The following MSN variants were observed in gnomAD, a reference collection of about 807,000 sequenced individuals.
The protein encoded by MSN is epididymis luminal protein 70.
Under a neutral mutation model 48.0 loss-of-function variants are expected in MSN, and 2 were observed. The ratio of observed to expected loss-of-function variants is 0.04; its 90% CI spans 0.02 to 0.13. MSN has a LOEUF of 0.13. Among genes scored for constraint, MSN ranks in the 10% least tolerant of loss-of-function variants. The probability of loss-of-function intolerance (pLI) is 1.00; values close to 1 mark genes in which losing one functional copy is unlikely to be tolerated. For synonymous variants in MSN, 146 were observed against 166.9 expected, an observed-to-expected ratio of 0.87 and a Z score of 0.97; for missense variants, 267 against 470.1, an observed-to-expected ratio of 0.57 and a Z score of 3.99.
intron 1 of MSN, among the ~76,000 whole-genome samples, chrX:65,640,597 A>C (rs2070641929): frequency 9.0e-6 from 1 of 111,277 alleles, no homozygotes; most frequent in Non-Finnish European, 1.9e-5. Flanking sequence ...CTGTGGGATA[A>C]CACTAGCTTC....
intron 8 of MSN, among the ~76,000 whole-genome samples, chrX:65,736,317 CTATGA>C (rs1203077623): frequency 1.8e-5 from 2 of 110,585 alleles, no homozygotes; most frequent in Admixed American, 1.9e-4. Context: ...CTATGTGGGG[CTATGA>C]TATGAGGACA....
At chrX:65,648,011 G>A (rs1035608741) in intron 1 of MSN, among the ~76,000 whole-genome samples, 2 of 110,612 alleles carry the variant, frequency 1.8e-5, no homozygotes, top group Non-Finnish European at 3.8e-5. Flanking sequence ...TGATGTAGTT[G>A]TCCATTCGAC....
At chrX:65,598,779 C>G (rs969290758) in intron 1 of MSN, among the ~76,000 whole-genome samples, 2 of 112,011 alleles carry the variant, frequency 1.8e-5, no homozygotes, top group Non-Finnish European at 3.8e-5. Context: ...AGCACATTGT[C>G]TGCTGCAGAA....
intron 1 of MSN, among the ~76,000 whole-genome samples, chrX:65,609,284 G>A (rs73629457): frequency 0.015 from 1,595 of 108,852 alleles, 27 homozygotes; most frequent in African/African-American, 0.05. Flanking sequence ...CCAGTGAAGT[G>A]TCCAGAATGC....
chrX:65,655,976 A>G lies in MSN; in HGVS notation c.-21-60842A>G, dbSNP rs763260468. On this transcript the variant is annotated intron_variant, in intron 1 of 3. Transcript: ENST00000609672. ...GAGACAGGGTGTCACCATATTGTCC[A>G]GGCTGGTCTCGAACTCCTGACCTCA... is the stretch of plus-strand genomic sequence containing the variant. Among the ~76,000 whole-genome samples, 3 of 111,541 alleles carry G rather than the reference A, an allele frequency of 2.7e-5. No individual in the cohort carries two copies. The East Asian group carries it at 8.4e-4, about 31-fold the overall frequency.
In MSN at chrX:65,597,823, G is replaced by A. The variant is rs931342743; in HGVS notation, c.-22+9211G>A. 4.5e-5 allele frequency among the ~76,000 whole-genome samples: 5 copies of A among 112,218 alleles called. No individual in the cohort carries two copies. The South Asian group carries it at 1.8e-3, about 41-fold the overall frequency. On this transcript the variant is annotated intron_variant, in intron 1 of 3. Coordinates refer to the MSN transcript ENST00000609672. Reference sequence around the variant, plus strand: ...TCACATCTGCAAAATGATTTTGTGGGATGGGGTCAGAAGACAGTAGGAATA... The same window carrying A: ...TCACATCTGCAAAATGATTTTGTGGAATGGGGTCAGAAGACAGTAGGAATA...
chrX:65,598,846 C>T (rs138074799), intron 1 of MSN, among the ~76,000 whole-genome samples: 7 of 112,035 alleles, frequency 6.2e-5, no homozygotes, highest in African/African-American at 9.7e-5. Context: ...CCTCTGAGGA[C>T]GAAGACATAC....
At chrX:65,739,270 T>C in intron 12 of MSN, 76 bp downstream of exon 12, 1 of 973,354 alleles carries the variant, frequency 1.0e-6, no homozygotes, top group Non-Finnish European at 1.4e-6. Context: ...TAGACCATCA[T>C]GGGGGATAGG....
chrX:65,615,500 C>T (rs1190286400), intron 1 of MSN, among the ~76,000 whole-genome samples: 1 of 109,708 alleles, frequency 9.1e-6, no homozygotes, highest in Non-Finnish European at 1.9e-5. Context: ...GCATAAATGT[C>T]CTCTTTTGAG....
At chrX:65,662,510 C>T (rs780998219) in intron 1 of MSN, among the ~76,000 whole-genome samples, 13 of 111,938 alleles carry the variant, frequency 1.2e-4, no homozygotes, top group East Asian at 1.1e-3. Flanking sequence ...TGATCTTTGA[C>T]GAGGTCGACA....
chrX:65,700,322 C>T lies in MSN; in HGVS notation c.13-16496C>T, dbSNP rs184598923. Among the ~76,000 whole-genome samples, 494 of 111,662 alleles carry T rather than the reference C, an allele frequency of 4.4e-3. 1 individual carries two copies. Among genetic ancestry groups the T allele is most frequent in the Middle Eastern group, 9.2e-3 (2 of 217 alleles). Reference sequence around the variant, plus strand: ...AATGTTCCAGAGACTACCTCTAGAGCCCAGGGTTTCTGTCAGGTATTTGTG... The same window carrying T: ...AATGTTCCAGAGACTACCTCTAGAGTCCAGGGTTTCTGTCAGGTATTTGTG... On this transcript the variant is annotated intron_variant, in intron 1 of 12. Transcript: ENST00000360270.
At chrX:65,677,858 A>C (rs1157741543) in intron 1 of MSN, among the ~76,000 whole-genome samples, 1 of 111,336 alleles carries the variant, frequency 9.0e-6, no homozygotes, top group Non-Finnish European at 1.9e-5. Flanking sequence ...TAGATCTAGC[A>C]TATGCTTGGT....
intron 1 of MSN, among the ~76,000 whole-genome samples, chrX:65,639,183 G>A (rs1471854310): frequency 1.8e-5 from 2 of 111,310 alleles, no homozygotes; most frequent in African/African-American, 6.5e-5. Context: ...TACTCTTGTT[G>A]CCCAGGCTGG....
intron 1 of MSN, among the ~76,000 whole-genome samples, chrX:65,646,871 C>T (rs781656675): frequency 3.4e-4 from 38 of 111,021 alleles, no homozygotes; most frequent in Non-Finnish European, 1.7e-4. Context: ...CTCTTGAACC[C>T]GGGGAGCGGA....
chrX:65,597,813 G>T (rs1458449137), intron 1 of MSN, among the ~76,000 whole-genome samples: 1 of 112,250 alleles, frequency 8.9e-6, no homozygotes, highest in Non-Finnish European at 1.9e-5. Flanking sequence ...TCTGCAAAAT[G>T]ATTTTGTGGG....
chrX:65,724,273 T>C (rs191378909), intron 2 of MSN, among the ~76,000 whole-genome samples: 4 of 110,764 alleles, frequency 3.6e-5, no homozygotes, highest in African/African-American at 1.3e-4. Flanking sequence ...GTCTCCCAAG[T>C]AGCTGGGATT....
intron 1 of MSN, among the ~76,000 whole-genome samples, chrX:65,688,402 A>G (rs764890827): frequency 4.5e-5 from 5 of 111,535 alleles, no homozygotes; most frequent in African/African-American, 1.3e-4. Flanking sequence ...TTACTTTTAC[A>G]TAAGGGAAAA....
chrX:65,627,285 C>T (rs1045398352), intron 1 of MSN, among the ~76,000 whole-genome samples: 1 of 109,588 alleles, frequency 9.1e-6, no homozygotes. Context: ...TGTATTAGTC[C>T]ATATGTATTA....
At chrX:65,721,207 G>A (rs1602850212) in intron 2 of MSN, among the ~76,000 whole-genome samples, 1 of 112,110 alleles carries the variant, frequency 8.9e-6, no homozygotes, top group South Asian at 3.7e-4. Flanking sequence ...CGCCCTTGAG[G>A]TCAGGTTCCA....
Sources: gnomAD v4.1 joint callset for allele counts (sites outside exome capture counted in the v4.1 genomes callset) on GRCh38, gnomAD v4.1.1 for gene constraint, MANE v1.5 for transcripts, NCBI Gene and HGNC (gene_info 2026-07-23, HGNC 2026-07-21) for gene names.